The following NFX1 variants were observed in gnomAD, a reference collection of about 807,000 sequenced individuals.
NFX1 encodes transcriptional repressor NF-X1.
A neutral mutation model predicts 137.2 loss-of-function variants in NFX1; 69 were observed. The ratio of observed to expected loss-of-function variants is 0.50; its 90% CI spans 0.41 to 0.61. The LOEUF (loss-of-function observed/expected upper bound fraction) is 0.61, where lower values mean the gene tolerates loss of function less well. NFX1 is among the 20% of genes least tolerant of loss of function. The probability of loss-of-function intolerance (pLI) is 0.00; values close to 1 mark genes in which losing one functional copy is unlikely to be tolerated. For missense variants in NFX1, 1,167 were observed against 1,391.0 expected (o/e 0.84, Z 2.56); for synonymous variants, 495 against 474.1 (o/e 1.04, Z -0.57).
At chr9:33,306,085 A>T (rs777445030) in intron 4 of NFX1, among the ~76,000 whole-genome samples, 3 of 152,216 alleles carry the variant, frequency 2.0e-5, no homozygotes, top group Non-Finnish European at 4.4e-5. Flanking sequence ...GGAGCAAAAA[A>T]GCACAGAGGC....
At chr9:33,350,426 A>G (rs1823596674) in intron 15 of NFX1, among the ~76,000 whole-genome samples, 6 of 152,120 alleles carry the variant, frequency 3.9e-5, no homozygotes, top group Admixed American at 3.9e-4. Flanking sequence ...ACTCTGCTTT[A>G]GCAGTTCAGA....
At chr9:33,369,858 G>A in intron 23 of NFX1, 48 bp from the exon 24 acceptor site, 2 of 1,384,422 alleles carry the variant, frequency 1.4e-6, no homozygotes, top group Non-Finnish European at 2.1e-6. Context: ...TCCTGTATCT[G>A]TTTCCCCCAA....
rs764552894 is a variant in NFX1 at position 33,311,181 on chromosome 9, A to G, written c.1448+4A>G. ...CATGTGAATGTGGACGAACCAGGTA[A>G]AGTTAAAATTACACCCTAAAGAAGA... is the stretch of plus-strand genomic sequence containing the variant. On this transcript the variant is annotated splice_donor_region_variant and intron_variant, in intron 6 of 23. Transcript: ENST00000379540. The G allele has an allele frequency of 6.2e-7, 1 of 1,613,962 alleles. No individual in the cohort carries two copies. Among genetic ancestry groups the G allele is most frequent in the Non-Finnish European group, 8.5e-7 (1 of 1,179,810 alleles).
At chr9:33,292,912 C>T (rs1197491953) in intron 1 of NFX1, among the ~76,000 whole-genome samples, 1 of 152,188 alleles carries the variant, frequency 6.6e-6, no homozygotes, top group East Asian at 1.9e-4. Flanking sequence ...TTTAAATTAT[C>T]TTATGTTTCC....
intron 19 of NFX1, among the ~76,000 whole-genome samples, chr9:33,363,240 T>TAA (rs1745754760): frequency 6.7e-6 from 1 of 149,860 alleles, no homozygotes. Context: ...AATGGGTCAA[T>TAA]AAAAATAAAA....
chr9:33,294,359 CTA>C (rs1488469806), intron 1 of NFX1, 59 bp from the exon 2 acceptor site: 17 of 1,440,776 alleles, frequency 1.2e-5, no homozygotes, highest in Middle Eastern at 1.8e-4. Context: ...GGCTTGGAGT[CTA>C]TGAGTTTCAT....
chr9:33,327,447 C>G (rs1202398147), intron 9 of NFX1, among the ~76,000 whole-genome samples: 1 of 152,204 alleles, frequency 6.6e-6, no homozygotes, highest in Non-Finnish European at 1.5e-5. Context: ...TCACTGCAAC[C>G]TCCGCCTCCC....
chr9:33,354,292 A>G (rs1475276887), intron 18 of NFX1, 105 bp downstream of exon 18: 14 of 868,468 alleles, frequency 1.6e-5, no homozygotes, highest in Non-Finnish European at 2.5e-5. Flanking sequence ...AGCCTTGCAT[A>G]CACAATAAGT....
chr9:33,311,270 C>G, intron 6 of NFX1, 93 bp downstream of exon 6: 1 of 1,116,778 alleles, frequency 9.0e-7, no homozygotes, highest in Non-Finnish European at 1.3e-6. Flanking sequence ...TAGGTAGATA[C>G]AAATAAATGG....
intron 12 of NFX1, among the ~76,000 whole-genome samples, chr9:33,340,913 T>A (rs528264384): frequency 4.9e-4 from 75 of 152,190 alleles, no homozygotes; most frequent in Non-Finnish European, 8.8e-4. Context: ...ATTGTCCATA[T>A]CATTATCAGC....
intron 3 of NFX1, among the ~76,000 whole-genome samples, chr9:33,302,481 A>C (rs1821606552): frequency 6.9e-6 from 1 of 144,662 alleles, no homozygotes. Flanking sequence ...CCTGCCTCAG[A>C]CTCCCAAGCA....
intron 9 of NFX1, among the ~76,000 whole-genome samples, chr9:33,321,178 T>C (rs1822370896): frequency 6.6e-6 from 1 of 151,936 alleles, no homozygotes; most frequent in Non-Finnish European, 1.5e-5. Context: ...AAGAAGGAAA[T>C]GTGAAATGGG....
chr9:33,351,425 A>T, intron 15 of NFX1, 135 bp from the exon 16 acceptor site: 3 of 787,104 alleles, frequency 3.8e-6, no homozygotes, highest in Non-Finnish European at 4.1e-6. Flanking sequence ...CAGCCTGGGC[A>T]ACAGTGAAAC....
At chr9:33,318,688 A>G in intron 7 of NFX1, 43 bp from the exon 8 acceptor site, 1 of 1,539,204 alleles carries the variant, frequency 6.5e-7, no homozygotes, top group Non-Finnish European at 9.0e-7. Flanking sequence ...TTAAGAACCC[A>G]TACATGTTAC....
At chr9:33,305,941 C>T (rs1821738125) in intron 4 of NFX1, among the ~76,000 whole-genome samples, 1 of 151,994 alleles carries the variant, frequency 6.6e-6, no homozygotes, top group Admixed American at 6.6e-5. Flanking sequence ...TGAAAGGGTA[C>T]AGAGTGAGAA....
At chr9:33,329,557 T>C (rs1468378243) in intron 10 of NFX1, among the ~76,000 whole-genome samples, 1 of 152,148 alleles carries the variant, frequency 6.6e-6, no homozygotes, top group African/African-American at 2.4e-5. Context: ...AAGGCCAGAC[T>C]CTCTTTAAGT....
chr9:33,364,766 G>A lies in NFX1; in HGVS notation c.3031G>A (p.Val1011Met), dbSNP rs557858209. 1.7e-5 allele frequency: 27 copies of A among 1,613,540 alleles called. No homozygotes were observed. The highest frequency in any genetic ancestry group is 8.9e-5 in the East Asian group (4 of 44,874). The change falls in exon 21 of 24, where the codon GTG becomes ATG. Residue 1011 changes from valine to methionine, a missense_variant. By Grantham distance (21) the Val-to-Met change is conservative (BLOSUM62 1). This residue lies in a region of NFX1 where 312 missense variants were observed against 312.8 expected (regional missense o/e 1.00). Coordinates refer to ENST00000379540, the MANE Select transcript of NFX1 (RefSeq NM_002504.6). ...GGAAATGGAAACCCTCGTGGAGGCC[G>A]TGAATAAGGTTGAAGTCGAAACATC... Reference protein sequence around the residue: ...EKEMETLVEAVNKGKNSKKSH... With the variant: ...EKEMETLVEAMNKGKNSKKSH...
Position 33,294,608 on chromosome 9 carries a change from A to G in NFX1, c.214A>G (p.Ser72Gly), listed in dbSNP as rs1367208199. 2 of 1,614,202 alleles carry G rather than the reference A, an allele frequency of 1.2e-6. No individual in the cohort carries two copies. The highest frequency in any genetic ancestry group is 1.7e-5 in the Admixed American group (1 of 60,026). Residue 72 changes from serine to glycine, a missense_variant, in exon 2 of 24, where the codon AGT (serine) becomes GGT (glycine). Ser to Gly is a moderately conservative substitution (Grantham distance 56). This residue lies in a region of NFX1 where 367 missense variants were observed against 386.7 expected (regional missense o/e 0.95). Transcript: ENST00000379540. ...YDEISAVHQH[S>G]YHPSGSKPKS... ...TGAAATCTCTGCTGTTCATCAGCAT[A>G]GTTATCATCCGTCAGGAAGCAAACC...
chr9:33,353,378 G>A (rs765123405), intron 17 of NFX1, among the ~76,000 whole-genome samples: 15 of 152,144 alleles, frequency 9.9e-5, no homozygotes, highest in Admixed American at 2.0e-4. Context: ...CTGTGTAGCC[G>A]TACAGGGATC....
Sources: allele counts gnomAD v4.1 joint callset (sites outside exome capture counted in the v4.1 genomes callset), GRCh38; gene constraint gnomAD v4.1.1; regional missense constraint gnomAD v4.1.1; transcripts MANE v1.5; gene names NCBI Gene and HGNC (gene_info 2026-07-23, HGNC 2026-07-21).